Variants in ZNF827 observed in about 807,000 individuals in gnomAD.
ZNF827 encodes the protein zinc finger protein 827.
Under a neutral mutation model 102.4 loss-of-function variants are expected in ZNF827, and 13 were observed. That is an observed-to-expected ratio of 0.13 (90% CI 0.08 to 0.20). The LOEUF is 0.20. Ranked by LOEUF, ZNF827 falls within the 10% of genes least tolerant of loss-of-function variation. The pLI, the probability that ZNF827 is intolerant of heterozygous loss-of-function variation, is 1.00. For synonymous variants in ZNF827, 523 were observed against 536.2 expected, an observed-to-expected ratio of 0.98 and a Z score of 0.34; for missense variants, 1,103 against 1,344.4, an observed-to-expected ratio of 0.82 and a Z score of 2.81.
chr4:145,774,426 G>A (rs1163258282), intron 11 of ZNF827, 80 bp downstream of exon 11: 2 of 1,483,238 alleles, frequency 1.3e-6, no homozygotes, highest in Non-Finnish European at 1.8e-6. Flanking sequence ...GGGCAGTGGG[G>A]ATGCTTCGGC....
At chr4:145,775,760 C>A in intron 10 of ZNF827, 29 bp downstream of exon 10, 1 of 1,612,240 alleles carries the variant, frequency 6.2e-7, no homozygotes, top group Non-Finnish European at 8.5e-7. Flanking sequence ...CTGAGAAAGG[C>A]GGACTAGCAT....
intron 7 of ZNF827, among the ~76,000 whole-genome samples, chr4:145,825,578 C>G (rs1743596103): frequency 6.6e-6 from 1 of 152,170 alleles, no homozygotes; most frequent in African/African-American, 2.4e-5. Flanking sequence ...GAGGGCTGGT[C>G]AACACCACAG....
chr4:145,910,629 C>T (rs1287442106), intron 1 of ZNF827, among the ~76,000 whole-genome samples: 1 of 152,168 alleles, frequency 6.6e-6, no homozygotes, highest in African/African-American at 2.4e-5. Context: ...CCTCACTTCC[C>T]AACCTTGCTC....
In ZNF827 at chr4:145,849,529, T is replaced by G. The variant is rs777110052; in HGVS notation, c.2014A>C (p.Ile672Leu). The change falls in exon 6 of 15, where the codon ATT (isoleucine) becomes CTT (leucine). Residue 672 changes from isoleucine to leucine, a missense_variant. Physicochemically the swap from Ile to Leu is conservative, Grantham distance 5. Around this residue, in one of 5 missense-constraint regions of ZNF827, gnomAD observed 243 missense variants for 251.6 expected, o/e 0.97. Coordinates refer to ENST00000508784, the MANE Select transcript of ZNF827 (RefSeq NM_001306215.2). ...ESYKETQMVK[I>L]KEEPMEVDIQ... ...TCAACCTCCATGGGTTCCTCTTTAA[T>G]CTTCACCATCTGTGTTTCCTTGTAG... 3 of 1,614,208 alleles carry G rather than the reference T, an allele frequency of 1.9e-6. No individual in the cohort carries two copies. Among genetic ancestry groups the G allele is most frequent in the Non-Finnish European group, 2.5e-6 (3 of 1,180,028 alleles).
chr4:145,805,809 C>A (rs62345786), intron 8 of ZNF827, among the ~76,000 whole-genome samples: 4 of 151,850 alleles, frequency 2.6e-5, no homozygotes, highest in Non-Finnish European at 5.9e-5. Context: ...CTCACCCTGA[C>A]GTCAGGGCCT....
At chr4:145,862,523 T>G (rs538675877) in intron 5 of ZNF827, among the ~76,000 whole-genome samples, 2 of 150,820 alleles carry the variant, frequency 1.3e-5, no homozygotes, top group Admixed American at 6.6e-5. Flanking sequence ...AGCCATGGGA[T>G]ATATATATAT....
chr4:145,900,786 GA>G (rs1350081703), intron 2 of ZNF827, among the ~76,000 whole-genome samples: 1 of 152,080 alleles, frequency 6.6e-6, no homozygotes, highest in Non-Finnish European at 1.5e-5. Context: ...AGTCAGGAGT[GA>G]TTTTTTCCAT....
chr4:145,846,645 C>T (rs1488548300), intron 6 of ZNF827, among the ~76,000 whole-genome samples: 17 of 136,968 alleles, frequency 1.2e-4, no homozygotes, highest in Admixed American at 9.0e-4. Context: ...GGTGAAAACC[C>T]GTCTCTACTA....
chr4:145,884,628 T>C (rs1307863628), intron 4 of ZNF827, among the ~76,000 whole-genome samples: 1 of 152,100 alleles, frequency 6.6e-6, no homozygotes, highest in Non-Finnish European at 1.5e-5. Flanking sequence ...GCAACACACC[T>C]TATCATTCCA....
At chr4:145,914,039 A>C (rs969159820) in intron 1 of ZNF827, among the ~76,000 whole-genome samples, 1 of 147,898 alleles carries the variant, frequency 6.8e-6, no homozygotes. Flanking sequence ...TAGCTTATAC[A>C]TAAAATGATA....
rs1246084736 is a variant in ZNF827 at position 145,902,728 on chromosome 4, C to T, written c.531G>A (p.Gln177=). 6.2e-7 allele frequency: 1 copy of T among 1,614,050 alleles called. No individual in the cohort carries two copies. The highest frequency in any genetic ancestry group is 8.5e-7 in the Non-Finnish European group (1 of 1,180,022). ...SVLARKLAEK[Q]EQNDQYTPSN... ...TTGGAGTGTATTGGTCATTCTGTTCCTGCTTCTCGGCCAACTTCCTGGCCA... is the reference window on the plus strand; with the variant it reads ...TTGGAGTGTATTGGTCATTCTGTTCTTGCTTCTCGGCCAACTTCCTGGCCA... The change falls in exon 2 of 15, where the codon CAG becomes CAA. Residue 177 remains glutamine (Q), a synonymous_variant. Transcript: ENST00000508784. The surrounding 1 kb of genome is among the most constrained non-coding windows in gnomAD (Gnocchi z 4.3).
chr4:145,840,313 G>C (rs888787669), intron 7 of ZNF827, among the ~76,000 whole-genome samples: 1 of 152,264 alleles, frequency 6.6e-6, no homozygotes, highest in Non-Finnish European at 1.5e-5. Context: ...ACCACATCTA[G>C]AGGGGCATGA....
intron 5 of ZNF827, among the ~76,000 whole-genome samples, chr4:145,868,993 C>G (rs998771657): frequency 6.6e-6 from 1 of 152,186 alleles, no homozygotes. Context: ...CTTGAACATC[C>G]TTTATAAAAA....
intron 8 of ZNF827, among the ~76,000 whole-genome samples, chr4:145,813,654 T>G (rs1742275206): frequency 6.6e-6 from 1 of 152,210 alleles, no homozygotes; most frequent in South Asian, 2.1e-4. Context: ...CAGACCCGTA[T>G]TATAATCAGT....
At chr4:145,814,454 T>C (rs1035335341) in intron 8 of ZNF827, among the ~76,000 whole-genome samples, 5 of 152,110 alleles carry the variant, frequency 3.3e-5, no homozygotes, top group Admixed American at 3.3e-4. Context: ...ACTCTTGAGG[T>C]AGGAAACTCT....
chr4:145,771,308 A>C (rs1462809535), intron 11 of ZNF827, among the ~76,000 whole-genome samples: 1 of 152,182 alleles, frequency 6.6e-6, no homozygotes, highest in Non-Finnish European at 1.5e-5. Flanking sequence ...TTATCACTTA[A>C]GCTTTTACAA....
chr4:145,927,810 C>T (rs762354805), intron 1 of ZNF827, among the ~76,000 whole-genome samples: 8 of 152,198 alleles, frequency 5.3e-5, no homozygotes, highest in Non-Finnish European at 1.5e-5. Flanking sequence ...AGCAGCCCTT[C>T]CCTGCCCACC....
intron 4 of ZNF827, among the ~76,000 whole-genome samples, chr4:145,873,222 G>A (rs748894809): frequency 1.3e-5 from 2 of 152,066 alleles, no homozygotes; most frequent in Non-Finnish European, 2.9e-5. Context: ...GGCGTGAGCC[G>A]ACACGCCTGG....
intron 2 of ZNF827, among the ~76,000 whole-genome samples, chr4:145,893,412 A>G (rs1449428979): frequency 6.6e-6 from 1 of 152,262 alleles, no homozygotes; most frequent in Non-Finnish European, 1.5e-5. Flanking sequence ...TAAATGACTT[A>G]GCATATGTGC....
Sources: gnomAD v4.1 joint callset for allele counts (sites outside exome capture counted in the v4.1 genomes callset) on GRCh38, gnomAD v4.1.1 for gene constraint, gnomAD v4.1.1 regional missense constraint, Gnocchi (gnomAD v3.1) non-coding constraint, MANE v1.5 for transcripts, NCBI Gene and HGNC (gene_info 2026-07-23, HGNC 2026-07-21) for gene names.